The following TRMT11 variants were observed in gnomAD, a reference collection of about 807,000 sequenced individuals.
TRMT11 encodes the protein tRNA methyltransferase 11, also known as tRNA (guanine(10)-N(2))-methyltransferase TRMT11.
A neutral mutation model predicts 62.8 loss-of-function variants in TRMT11; 53 were observed. The observed-to-expected ratio is 0.84, with a 90% CI of 0.68 to 1.06. The LOEUF is 1.06. Ranked by LOEUF, TRMT11 falls within the 50% of genes least tolerant of loss-of-function variation. The probability of loss-of-function intolerance (pLI) is 0.00; values close to 1 mark genes in which losing one functional copy is unlikely to be tolerated. For synonymous variants in TRMT11, 188 were observed against 190.3 expected (o/e 0.99, Z 0.10); for missense variants, 556 against 553.4 (o/e 1.00, Z -0.05).
intron 18 of TRMT11, among the ~76,000 whole-genome samples, chr6:126,114,083 T>C (rs1441902295): frequency 6.6e-6 from 1 of 152,056 alleles, no homozygotes; most frequent in African/African-American, 2.4e-5. Context: ...ACACAAACAA[T>C]TCAGAGTGCA....
intron 17 of TRMT11, among the ~76,000 whole-genome samples, chr6:126,082,438 A>G (rs2128158330): frequency 6.6e-6 from 1 of 152,282 alleles, no homozygotes; most frequent in East Asian, 1.9e-4. Flanking sequence ...GCAATGGACC[A>G]TTCACTTTGT....
chr6:126,135,399 A>G (rs1298556678), intron 21 of TRMT11, among the ~76,000 whole-genome samples: 2 of 151,796 alleles, frequency 1.3e-5, no homozygotes, highest in African/African-American at 4.8e-5. Flanking sequence ...AGAAATGGAT[A>G]TATTCTGAAC....
chr6:126,136,722 G>C (rs534496414), intron 21 of TRMT11, among the ~76,000 whole-genome samples: 39 of 151,866 alleles, frequency 2.6e-4, no homozygotes, highest in African/African-American at 8.9e-4. Flanking sequence ...CATACCACCT[G>C]ATTTCAAATT....
the TRMT11 span, among the ~76,000 whole-genome samples, chr6:126,208,997 C>G: frequency 6.6e-6 from 1 of 152,198 alleles, no homozygotes; most frequent in Admixed American, 6.5e-5. Flanking sequence ...GCATTTTCAG[C>G]AGAGATGGAG....
At chr6:126,252,568 G>C in the TRMT11 span, among the ~76,000 whole-genome samples, 1 of 152,208 alleles carries the variant, frequency 6.6e-6, no homozygotes, top group Non-Finnish European at 1.5e-5. Flanking sequence ...AATGAGAAGA[G>C]TATCCGCAAA....
chr6:126,004,202 G>C (rs1792981645), intron 7 of TRMT11, among the ~76,000 whole-genome samples: 1 of 151,928 alleles, frequency 6.6e-6, no homozygotes, highest in East Asian at 1.9e-4. Context: ...ATATTTTTTT[G>C]TTGAGTAGAT....
At chr6:126,045,801 G>A (rs183765676) in intron 16 of TRMT11, among the ~76,000 whole-genome samples, 1 of 152,112 alleles carries the variant, frequency 6.6e-6, no homozygotes, top group Admixed American at 6.5e-5. Flanking sequence ...GGCACATCAT[G>A]GTTGTTAAGG....
intron 21 of TRMT11, among the ~76,000 whole-genome samples, chr6:126,141,031 C>T (rs889151011): frequency 6.6e-6 from 1 of 152,008 alleles, no homozygotes; most frequent in Non-Finnish European, 1.5e-5. Flanking sequence ...CTCTACTGGT[C>T]TTCATACAAC....
intron 17 of TRMT11, among the ~76,000 whole-genome samples, chr6:126,102,439 C>T (rs1777412524): frequency 6.6e-6 from 1 of 151,810 alleles, no homozygotes; most frequent in East Asian, 1.9e-4. Context: ...CTGGCCTCGT[C>T]GTTGAAAAAA....
At chr6:126,117,328 C>T (rs1026248237) in intron 21 of TRMT11, among the ~76,000 whole-genome samples, 5 of 151,992 alleles carry the variant, frequency 3.3e-5, no homozygotes, top group Non-Finnish European at 7.4e-5. Context: ...CTGCAGCTCT[C>T]TTTCTTAGTT....
intron 12 of TRMT11, among the ~76,000 whole-genome samples, chr6:126,030,456 T>C (rs988374471): frequency 6.6e-6 from 1 of 152,220 alleles, no homozygotes; most frequent in African/African-American, 2.4e-5. Context: ...CCTCACACCT[T>C]ACTTAAGAAT....
At chr6:126,243,396 A>G in the TRMT11 span, among the ~76,000 whole-genome samples, 1 of 152,176 alleles carries the variant, frequency 6.6e-6, no homozygotes, top group Non-Finnish European at 1.5e-5. Context: ...AGGGATCTAG[A>G]ACTAGAAATA....
chr6:126,016,509 C>A (rs1453176966), intron 11 of TRMT11, among the ~76,000 whole-genome samples: 2 of 151,962 alleles, frequency 1.3e-5, no homozygotes, highest in Admixed American at 6.6e-5. Flanking sequence ...TTTTGGAGTT[C>A]TTTTATTCCT....
the TRMT11 span, among the ~76,000 whole-genome samples, chr6:126,234,207 G>C: frequency 6.6e-6 from 1 of 152,020 alleles, no homozygotes; most frequent in Admixed American, 6.6e-5. Flanking sequence ...ACACTCCTTT[G>C]GGTTAAGGCA....
At chr6:126,237,287 A>G in the TRMT11 span, among the ~76,000 whole-genome samples, 1 of 152,116 alleles carries the variant, frequency 6.6e-6, no homozygotes, top group African/African-American at 2.4e-5. Context: ...GGATCCAGGG[A>G]GGATTTGCTC....
At chr6:126,037,269 C>T (rs1409178220) in intron 12 of TRMT11, among the ~76,000 whole-genome samples, 1 of 152,034 alleles carries the variant, frequency 6.6e-6, no homozygotes, top group Non-Finnish European at 1.5e-5. Flanking sequence ...AGTAATTCCT[C>T]ATCTGTAAAG....
intron 9 of TRMT11, among the ~76,000 whole-genome samples, chr6:126,012,409 C>G (rs997858209): frequency 1.7e-4 from 26 of 152,140 alleles, no homozygotes; most frequent in Non-Finnish European, 3.1e-4. Context: ...ATACTTTCAT[C>G]TACAGTTTGC....
upstream of TRMT11, among the ~76,000 whole-genome samples, chr6:126,173,091 A>G (rs1778348504): frequency 2.6e-5 from 4 of 152,196 alleles, 1 homozygote; most frequent in South Asian, 6.2e-4. Flanking sequence ...TGTGCCAAAC[A>G]TTATTCTGGT....
At chr6:126,169,657 A>G (rs2128235068) in intron 21 of TRMT11, among the ~76,000 whole-genome samples, 1 of 152,346 alleles carries the variant, frequency 6.6e-6, no homozygotes, top group East Asian at 1.9e-4. Flanking sequence ...ATAATATTTT[A>G]CATAGGACAC....
Sources: allele counts gnomAD v4.1 joint callset (sites outside exome capture counted in the v4.1 genomes callset), GRCh38; gene constraint gnomAD v4.1.1; transcripts MANE v1.5; gene names NCBI Gene and HGNC (gene_info 2026-07-23, HGNC 2026-07-21).